The following STK32C variants were observed in gnomAD, a reference collection of about 807,000 sequenced individuals.
STK32C encodes the protein serine/threonine-protein kinase 32C.
A neutral mutation model predicts 56.5 loss-of-function variants in STK32C; 31 were observed. That is an observed-to-expected ratio of 0.55 (90% CI 0.41 to 0.74). The LOEUF (loss-of-function observed/expected upper bound fraction) is 0.74, where lower values mean the gene tolerates loss of function less well. Among genes scored for constraint, STK32C ranks in the 30% least tolerant of loss-of-function variants. The pLI is 0.00. For synonymous variants in STK32C, 309 were observed against 289.4 expected (o/e 1.07, Z -0.69); for missense variants, 544 against 676.9 (o/e 0.80, Z 2.18).
At chr10:132,224,778 C>A (rs888860488) in intron 7 of STK32C, among the ~76,000 whole-genome samples, 1 of 152,090 alleles carries the variant, frequency 6.6e-6, no homozygotes, top group African/African-American at 2.4e-5. Context: ...GGTAGATCAG[C>A]CCCAGAGGGC....
At chr10:132,272,598 C>T (rs1396477946) in intron 1 of STK32C, among the ~76,000 whole-genome samples, 1 of 152,202 alleles carries the variant, frequency 6.6e-6, no homozygotes, top group African/African-American at 2.4e-5. Flanking sequence ...GCTCTTCCTT[C>T]AAGCGTTCCC....
At chr10:132,319,863 A>G (rs2066370788), downstream of STK32C, among the ~76,000 whole-genome samples, 1 of 152,048 alleles carries the variant, frequency 6.6e-6, no homozygotes, top group Admixed American at 6.5e-5. Context: ...TTTACATAAT[A>G]TAAAACTCAT....
chr10:132,269,866 C>T (rs1196358303), intron 1 of STK32C, among the ~76,000 whole-genome samples: 4 of 152,250 alleles, frequency 2.6e-5, no homozygotes, highest in Non-Finnish European at 1.5e-5. Flanking sequence ...AGTCCCTAGC[C>T]TGCCACGGCC....
chr10:132,274,445 T>A lies in STK32C; in HGVS notation c.263-28490A>T, dbSNP rs1457463109. Among the ~76,000 whole-genome samples the A allele has an allele frequency of 3.9e-5, 6 of 152,194 alleles. No homozygotes were observed. The South Asian group carries it at 6.2e-4, about 16-fold the overall frequency. ...CTTCACAGAGAAATTTTCGTATGTG[T>A]TTGATGGGAGGTCAATATATGAAGA... On this transcript the variant is annotated intron_variant, in intron 1 of 11. Coordinates refer to ENST00000298630, the MANE Select transcript of STK32C (RefSeq NM_173575.4).
chr10:132,312,455 C>T (rs576373161), upstream of STK32C, among the ~76,000 whole-genome samples: 68 of 152,242 alleles, frequency 4.5e-4, 1 homozygote. Flanking sequence ...GGGCAAAATT[C>T]CCCTTTATCT....
chr10:132,260,553 G>A (rs550398400), intron 1 of STK32C, among the ~76,000 whole-genome samples: 1 of 152,208 alleles, frequency 6.6e-6, no homozygotes, highest in African/African-American at 2.4e-5. Flanking sequence ...GTTGCAGGGG[G>A]CTGCTTCCCA....
intron 6 of STK32C, 53 bp from the exon 7 acceptor site, chr10:132,225,389 C>A: frequency 3.1e-6 from 5 of 1,588,052 alleles, no homozygotes; most frequent in Non-Finnish European, 4.3e-6. Flanking sequence ...AGCCCGGACC[C>A]GTGGGCACAG....
intron 10 of STK32C, among the ~76,000 whole-genome samples, chr10:132,220,950 A>G (rs2062617974): frequency 6.6e-6 from 1 of 152,246 alleles, no homozygotes; most frequent in Admixed American, 6.5e-5. Context: ...CCAATTATCA[A>G]GACAGGGGAG....
chr10:132,320,623 G>C (rs1230596059), downstream of STK32C, among the ~76,000 whole-genome samples: 1 of 152,158 alleles, frequency 6.6e-6, no homozygotes, highest in African/African-American at 2.4e-5. Flanking sequence ...CAGGCATTTG[G>C]GGGGCTAGGT....
chr10:132,317,832 G>T (rs188047655), intron 1 of STK32C, among the ~76,000 whole-genome samples: 1 of 152,042 alleles, frequency 6.6e-6, no homozygotes, highest in Non-Finnish European at 1.5e-5. Context: ...ACAAAAATTA[G>T]CCGGGCATGG....
At chr10:132,304,177 C>A (rs191405930) in intron 1 of STK32C, among the ~76,000 whole-genome samples, 2 of 152,208 alleles carry the variant, frequency 1.3e-5, no homozygotes, top group African/African-American at 4.8e-5. Flanking sequence ...AACAGAAACA[C>A]CTCACAGTCC....
intron 2 of STK32C, among the ~76,000 whole-genome samples, chr10:132,244,477 CAGGGGCAAT>C (rs2063615352): frequency 6.6e-6 from 1 of 152,174 alleles, no homozygotes; most frequent in Non-Finnish European, 1.5e-5. Flanking sequence ...GCGGGGGCAA[CAGGGGCAAT>C]GGGGAGATGC....
At chr10:132,254,473 C>A (rs1459556087) in intron 1 of STK32C, among the ~76,000 whole-genome samples, 1 of 150,784 alleles carries the variant, frequency 6.6e-6, no homozygotes, top group East Asian at 2.0e-4. Flanking sequence ...CGGCACAATG[C>A]GTGCACCCTC....
At chr10:132,248,249 GAT>G (rs2063759589) in intron 1 of STK32C, among the ~76,000 whole-genome samples, 2 of 152,232 alleles carry the variant, frequency 1.3e-5, no homozygotes, top group African/African-American at 4.8e-5. Flanking sequence ...ACGTGGGACA[GAT>G]GGGCTGAACT....
chr10:132,304,834 C>T (rs2066009445), intron 1 of STK32C, among the ~76,000 whole-genome samples: 2 of 152,262 alleles, frequency 1.3e-5, no homozygotes, highest in African/African-American at 2.4e-5. Flanking sequence ...CTGCAAGGGC[C>T]TGTCCACTCC....
At chr10:132,295,936 G>C (rs1228658973) in intron 1 of STK32C, among the ~76,000 whole-genome samples, 1 of 151,568 alleles carries the variant, frequency 6.6e-6, no homozygotes, top group Non-Finnish European at 1.5e-5. Context: ...TTGATGAGGG[G>C]ACCATAACTA....
In STK32C at chr10:132,230,682, G is replaced by GGGGGA. The variant is rs1554977811; in HGVS notation, c.319-2555_319-2554insTCCCC. Among the ~76,000 whole-genome samples, 3 of 139,358 alleles carry GGGGGA rather than the reference G, an allele frequency of 2.2e-5. 1 individual carries two copies. The highest frequency in any genetic ancestry group is 4.8e-5 in the Non-Finnish European group (3 of 63,066). The allele number at this position is 139,358 out of a possible 152,430, so 91.4% of individuals were successfully genotyped here. A position where few individuals can be genotyped will look rare whatever the true frequency, so the allele number is the denominator to read the frequency against. On this transcript the variant is annotated intron_variant, in intron 2 of 11. Transcript: ENST00000298630. Reference sequence around the variant, plus strand: ...TTGCTGCTGGGGGGGAAGCTGGCGGGGGGGGGGGGGCTGCAGAGCCCACCT... The same window carrying GGGGGA: ...TTGCTGCTGGGGGGGAAGCTGGCGGGGGGGAGGGGGGGGGGCTGCAGAGCCCACCT...
intron 1 of STK32C, among the ~76,000 whole-genome samples, chr10:132,283,332 T>C (rs996607175): frequency 2.6e-5 from 4 of 152,226 alleles, no homozygotes; most frequent in African/African-American, 9.6e-5. Flanking sequence ...ACCCGCCCTG[T>C]GAAATCTGAG....
At chr10:132,263,830 C>T (rs898604775) in intron 1 of STK32C, among the ~76,000 whole-genome samples, 2 of 146,430 alleles carry the variant, frequency 1.4e-5, no homozygotes, top group Non-Finnish European at 3.0e-5. Flanking sequence ...TGTGCCACTG[C>T]ACTCCAGCCT....
Sources: allele counts gnomAD v4.1 joint callset (sites outside exome capture counted in the v4.1 genomes callset), GRCh38; gene constraint gnomAD v4.1.1; transcripts MANE v1.5; gene names NCBI Gene and HGNC (gene_info 2026-07-23, HGNC 2026-07-21).